Variants in CSMD1 observed in about 807,000 individuals in gnomAD.
CSMD1 encodes CUB and Sushi multiple domains 1, also known as CUB and sushi domain-containing protein 1.
A neutral mutation model predicts 417.5 loss-of-function variants in CSMD1; 213 were observed. The observed-to-expected ratio is 0.51, with a 90% confidence interval of 0.46 to 0.57. The LOEUF is 0.57. Among genes scored for constraint, CSMD1 ranks in the 20% least tolerant of loss-of-function variants. CSMD1 has a pLI of 0.00. For synonymous variants in CSMD1, 2,862 were observed against 1,736.8 expected (o/e 1.65, Z -16.11); for missense variants, 6,923 against 4,529.7 (o/e 1.53, Z -15.17).
chr8:3,426,172 A>C (rs1180672206), intron 12 of CSMD1, among the ~76,000 whole-genome samples: 3 of 152,210 alleles, frequency 2.0e-5, no homozygotes, highest in Non-Finnish European at 4.4e-5. Flanking sequence ...ATAACAGTAG[A>C]TACAAAAGCA....
intron 5 of CSMD1, among the ~76,000 whole-genome samples, chr8:3,851,527 G>A (rs13253701): frequency 0.13 from 19,330 of 152,178 alleles, 1,292 homozygotes; most frequent in South Asian, 0.17. Flanking sequence ...TGATCAGGTG[G>A]TCCCTGAAAG....
intron 26 of CSMD1, among the ~76,000 whole-genome samples, chr8:3,266,195 G>A (rs137934641): frequency 4.6e-5 from 7 of 150,944 alleles, no homozygotes; most frequent in African/African-American, 1.7e-4. Flanking sequence ...CAGAAGACAA[G>A]AGGCAAAATA....
intron 15 of CSMD1, among the ~76,000 whole-genome samples, chr8:3,404,600 T>A (rs1302595011): frequency 1.3e-5 from 2 of 152,182 alleles, no homozygotes; most frequent in Non-Finnish European, 2.9e-5. Context: ...CATATATTCC[T>A]GTTCTATTCA....
intron 3 of CSMD1, among the ~76,000 whole-genome samples, chr8:4,126,915 C>G (rs534348735): frequency 6.6e-6 from 1 of 152,226 alleles, no homozygotes; most frequent in South Asian, 2.1e-4. Context: ...CAGGCTCTCA[C>G]GCCCACACAG....
rs188679911 is a variant in CSMD1 at position 4,116,361 on chromosome 8, T to C, written c.416-84262A>G. 1.2e-4 allele frequency among the ~76,000 whole-genome samples: 19 copies of C among 152,296 alleles called. No homozygotes were observed. In the East Asian group the frequency reaches 2.9e-3, roughly 23 times the overall value. On this transcript the variant is annotated intron_variant, in intron 3 of 69. Coordinates refer to ENST00000635120, the MANE Select transcript of CSMD1 (RefSeq NM_033225.6). ...CTATAAGGGTGGATACATGTCATTA[T>C]ACACTTGTCCAAACCCATGGAATAT...
Position 3,107,818 on chromosome 8 carries a change from A to C in CSMD1, c.6755-20T>G. ...GAAATGCTAAATGATTAATGGAAAG[A>C]ATAATAATAATTGCAATTACACTTG... On this transcript the variant is annotated intron_variant, in intron 44 of 69. Coordinates refer to ENST00000635120, the MANE Select transcript of CSMD1 (RefSeq NM_033225.6). The C allele has an allele frequency of 2.0e-6, 3 of 1,481,806 alleles. No individual in the cohort carries two copies. Among genetic ancestry groups the C allele is most frequent in the Non-Finnish European group, 2.8e-6 (3 of 1,082,202 alleles). 91.8% of individuals were successfully genotyped at this position (1,481,806 alleles called of 1,614,324 possible). A position where few individuals can be genotyped will look rare whatever the true frequency, so the allele number is the denominator to read the frequency against.
chr8:3,783,352 G>C (rs552110070), intron 5 of CSMD1, among the ~76,000 whole-genome samples: 1 of 152,344 alleles, frequency 6.6e-6, no homozygotes, highest in East Asian at 1.9e-4. Context: ...GTACAACTCT[G>C]TGAGCAAAGC....
chr8:3,740,640 G>A (rs959864570), intron 6 of CSMD1, among the ~76,000 whole-genome samples: 1 of 152,194 alleles, frequency 6.6e-6, no homozygotes, highest in Non-Finnish European at 1.5e-5. Flanking sequence ...AGAGACAAAT[G>A]TAGGGACCTG....
chr8:3,479,374 G>A (rs141859985), intron 11 of CSMD1, among the ~76,000 whole-genome samples: 3,330 of 152,226 alleles, frequency 0.022, 109 homozygotes, highest in African/African-American at 0.074. Flanking sequence ...TCCGCCTCCT[G>A]GGTTCAAGTG....
At chr8:3,756,977 T>A (rs950181458) in intron 5 of CSMD1, among the ~76,000 whole-genome samples, 4 of 152,118 alleles carry the variant, frequency 2.6e-5, no homozygotes, top group African/African-American at 9.7e-5. Context: ...ATCTTTTAAT[T>A]TTTTGTAGAG....
At chr8:4,960,597 G>T (rs1174151118) in intron 1 of CSMD1, among the ~76,000 whole-genome samples, 1 of 152,180 alleles carries the variant, frequency 6.6e-6, no homozygotes, top group Admixed American at 6.6e-5. Flanking sequence ...AATAATGCCA[G>T]TGCATACATA....
chr8:4,281,576 C>G (rs1323500055), intron 3 of CSMD1, among the ~76,000 whole-genome samples: 1 of 152,112 alleles, frequency 6.6e-6, no homozygotes, highest in Non-Finnish European at 1.5e-5. Context: ...TGTTCTTTTT[C>G]TGTTTTTTGA....
chr8:3,608,791 G>T (rs1427875171), intron 8 of CSMD1, among the ~76,000 whole-genome samples: 1 of 150,886 alleles, frequency 6.6e-6, no homozygotes, highest in African/African-American at 2.4e-5. Flanking sequence ...ATAACGTCCA[G>T]CAGTGTGCAT....
chr8:3,036,824 G>T (rs1810709034), intron 50 of CSMD1, among the ~76,000 whole-genome samples: 2 of 152,026 alleles, frequency 1.3e-5, no homozygotes, highest in African/African-American at 4.8e-5. Context: ...TTGGCTTTTA[G>T]AAAATTATTT....
chr8:4,746,304 G>T (rs1025244188), intron 1 of CSMD1, among the ~76,000 whole-genome samples: 3 of 152,124 alleles, frequency 2.0e-5, no homozygotes, highest in South Asian at 2.1e-4. Flanking sequence ...CTTTTTGAAA[G>T]AATTCACTCA....
At chr8:3,710,588 C>A (rs930418557) in intron 6 of CSMD1, among the ~76,000 whole-genome samples, 3 of 152,156 alleles carry the variant, frequency 2.0e-5, no homozygotes, top group Admixed American at 1.3e-4. Context: ...TGCTTCCTCT[C>A]TGGTCTTCCT....
chr8:3,688,896 C>G (rs1461825089), intron 7 of CSMD1, among the ~76,000 whole-genome samples: 1 of 151,498 alleles, frequency 6.6e-6, no homozygotes, highest in African/African-American at 2.4e-5. Context: ...AGATCTCAGA[C>G]AAAGGAGCAA....
At chr8:4,178,979 T>C (rs1383486141) in intron 3 of CSMD1, among the ~76,000 whole-genome samples, 3 of 152,096 alleles carry the variant, frequency 2.0e-5, no homozygotes, top group Non-Finnish European at 4.4e-5. Context: ...GAAGAATCAA[T>C]ATCGTGAAAA....
chr8:3,523,604 C>A (rs1472269188), intron 10 of CSMD1, among the ~76,000 whole-genome samples: 1 of 151,968 alleles, frequency 6.6e-6, no homozygotes. Flanking sequence ...CACACATGTG[C>A]ATGTACACAC....
Sources: allele counts gnomAD v4.1 joint callset (sites outside exome capture counted in the v4.1 genomes callset), GRCh38; gene constraint gnomAD v4.1.1; transcripts MANE v1.5; gene names NCBI Gene and HGNC (gene_info 2026-07-23, HGNC 2026-07-21).